The following MCCC2 variants were observed in gnomAD, a reference collection of about 807,000 sequenced individuals.
MCCC2 encodes methylcrotonyl-CoA carboxylase subunit 2, also known as methylcrotonoyl-CoA carboxylase beta chain, mitochondrial.
MCCC2 carries 52 observed loss-of-function variants against 77.2 expected under a neutral mutation model. The observed-to-expected ratio is 0.67, with a 90% CI of 0.54 to 0.85. The LOEUF (loss-of-function observed/expected upper bound fraction) is 0.85. Among genes scored for constraint, MCCC2 ranks in the 40% least tolerant of loss-of-function variants. The pLI is 0.00. For synonymous variants in MCCC2, 253 were observed against 248.4 expected (o/e 1.02, Z -0.18); for missense variants, 682 against 703.2 (o/e 0.97, Z 0.34).
intron 12 of MCCC2, 97 bp downstream of exon 12, chr5:71,643,992 T>A: frequency 6.7e-7 from 1 of 1,490,446 alleles, no homozygotes; most frequent in Non-Finnish European, 9.2e-7. Context: ...TAAAAATGCT[T>A]AACTAGATGC....
intron 1 of MCCC2, 111 bp from the exon 2 acceptor site, chr5:71,592,815 A>C: frequency 1.1e-6 from 1 of 872,788 alleles, no homozygotes; most frequent in Non-Finnish European, 1.9e-6. Flanking sequence ...TGTGGCGGCC[A>C]CACAGAGTTG....
intron 6 of MCCC2, among the ~76,000 whole-genome samples, chr5:71,610,614 A>C (rs1745897353): frequency 6.6e-6 from 1 of 152,210 alleles, no homozygotes; most frequent in South Asian, 2.1e-4. Flanking sequence ...CTTTTTCCAC[A>C]GAGAGTATCT....
At position 71,649,147 on chromosome 5, in the gene MCCC2, G is replaced by A. The variant is rs1747358772; in HGVS notation, c.1267G>A (p.Ala423Thr). ...AGCTGAAGGAATTGCCAAGGATGGT[G>A]CCAAGATGGTGGCCGCTGTGGCCTG... ...YEAEGIAKDG[A>T]KMVAAVACAQ... Residue 423 changes from alanine to threonine, a missense_variant, in exon 14 of 17, where the codon GCC (alanine) becomes ACC (threonine). By Grantham distance (58) the Ala-to-Thr change is moderately conservative. Transcript: ENST00000340941. 6.2e-7 allele frequency: 1 copy of A among 1,614,248 alleles called. No individual in the cohort carries two copies. The highest frequency in any genetic ancestry group is 2.2e-5 in the East Asian group (1 of 44,882).
intron 6 of MCCC2, among the ~76,000 whole-genome samples, chr5:71,617,241 C>T (rs1288878251): frequency 1.3e-5 from 2 of 152,150 alleles, no homozygotes; most frequent in Non-Finnish European, 2.9e-5. Flanking sequence ...CCTCCTGGGT[C>T]GGAGTCTCCA....
chr5:71,649,194 C>T lies in MCCC2; in HGVS notation c.1314C>T (p.Thr438=). The T allele has an allele frequency of 1.9e-6, 3 of 1,614,172 alleles. No homozygotes were observed. The highest frequency in any genetic ancestry group is 2.5e-6 in the Non-Finnish European group (3 of 1,180,008). Residue 438 remains threonine (T), a synonymous_variant, in exon 14 of 17, where the codon ACC becomes ACT. Transcript: ENST00000340941. ...AVACAQVPKI[T]LIIGGSYGAG... ...CCTGTGCCCAAGTGCCTAAGATAACCCTCATCATTGGGGGCTCCTATGGAG... is the reference window on the plus strand; with the variant it reads ...CCTGTGCCCAAGTGCCTAAGATAACTCTCATCATTGGGGGCTCCTATGGAG...
At chr5:71,601,807 G>A (rs945423185) in intron 4 of MCCC2, among the ~76,000 whole-genome samples, 1 of 152,140 alleles carries the variant, frequency 6.6e-6, no homozygotes, top group Non-Finnish European at 1.5e-5. Flanking sequence ...TCCTGCCAGT[G>A]CTGTACAGTT....
At chr5:71,599,243 G>A (rs548624279) in intron 3 of MCCC2, among the ~76,000 whole-genome samples, 3 of 152,206 alleles carry the variant, frequency 2.0e-5, no homozygotes, top group Admixed American at 2.0e-4. Context: ...GGTGGCGCAT[G>A]CCTGTAATCC....
At chr5:71,640,124 C>T (rs1436799569) in intron 10 of MCCC2, among the ~76,000 whole-genome samples, 1 of 152,122 alleles carries the variant, frequency 6.6e-6, no homozygotes, top group Non-Finnish European at 1.5e-5. Context: ...TTAGTAATTT[C>T]CACTCCTTTA....
chr5:71,594,262 C>T (rs1745089353), intron 2 of MCCC2, among the ~76,000 whole-genome samples: 1 of 152,124 alleles, frequency 6.6e-6, no homozygotes, highest in Non-Finnish European at 1.5e-5. Flanking sequence ...GGCACAGTGG[C>T]TCACGCCTGT....
chr5:71,604,500 G>A (rs1745587440), intron 6 of MCCC2, 32 bp downstream of exon 6: 2 of 1,497,668 alleles, frequency 1.3e-6, no homozygotes, highest in Non-Finnish European at 1.9e-6. Flanking sequence ...GTACAGTGGT[G>A]CTTTTTACTC....
At chr5:71,638,557 G>T (rs1056675871) in intron 10 of MCCC2, among the ~76,000 whole-genome samples, 1 of 151,988 alleles carries the variant, frequency 6.6e-6, no homozygotes, top group African/African-American at 2.4e-5. Context: ...GTCTCGCTCT[G>T]TCGCCCAGGC....
At chr5:71,620,775 A>G (rs746686771) in intron 6 of MCCC2, among the ~76,000 whole-genome samples, 1 of 152,146 alleles carries the variant, frequency 6.6e-6, no homozygotes, top group Non-Finnish European at 1.5e-5. Flanking sequence ...AGGGGATGAC[A>G]AGTATTGTTA....
chr5:71,596,843 G>T (rs920641922), intron 3 of MCCC2, among the ~76,000 whole-genome samples: 1 of 152,136 alleles, frequency 6.6e-6, no homozygotes, highest in African/African-American at 2.4e-5. Context: ...GGGAGGCTGA[G>T]GCAGGAGAGT....
chr5:71,591,787 C>T (rs1477574589), intron 1 of MCCC2, among the ~76,000 whole-genome samples: 3 of 151,822 alleles, frequency 2.0e-5, no homozygotes, highest in African/African-American at 7.3e-5. Context: ...CAGTCTTGCT[C>T]TGTCACCCAG....
intron 16 of MCCC2, among the ~76,000 whole-genome samples, chr5:71,653,819 C>T (rs1747506052): frequency 6.7e-6 from 1 of 148,860 alleles, no homozygotes; most frequent in Non-Finnish European, 1.5e-5. Context: ...CCACTGTGCT[C>T]CAACCTGGGT....
Position 71,657,129 on chromosome 5 carries a change from A to G in MCCC2, c.*269A>G. The G allele has an allele frequency of 2.5e-6, 1 of 396,978 alleles. No individual in the cohort carries two copies. Among genetic ancestry groups the G allele is most frequent in the East Asian group, 5.6e-5 (1 of 17,940 alleles). The allele number at this position is 396,978 out of a possible 1,614,324, so 24.6% of individuals were successfully genotyped here. A position where few individuals can be genotyped will look rare whatever the true frequency, so the allele number is the denominator to read the frequency against. ...TTACGGTTATCCTTTCTGACCCACA[A>G]AGTATGAAAAGTTCTGTAATCTGTA... On this transcript the variant is annotated 3_prime_UTR_variant, in exon 17 of 17. Transcript: ENST00000340941.
intron 6 of MCCC2, among the ~76,000 whole-genome samples, chr5:71,620,396 T>C (rs187759076): frequency 6.6e-6 from 1 of 152,202 alleles, no homozygotes. Context: ...TATTATATTT[T>C]TAATGGCTTT....
At chr5:71,633,125 A>ATTTTT (rs1398247533) in intron 8 of MCCC2, among the ~76,000 whole-genome samples, 14 of 42,878 alleles carry the variant, frequency 3.3e-4, no homozygotes, top group East Asian at 1.3e-3. Flanking sequence ...ATATATATAT[A>ATTTTT]TATATATTTT....
intron 6 of MCCC2, among the ~76,000 whole-genome samples, chr5:71,612,194 G>GTTATTCTGTAATTT (rs1257689992): frequency 6.6e-6 from 1 of 152,134 alleles, no homozygotes; most frequent in Non-Finnish European, 1.5e-5. Context: ...ATGGATGTTT[G>GTTATTCTGTAATTT]TTATTCTGTA....
Sources: allele counts gnomAD v4.1 joint callset (sites outside exome capture counted in the v4.1 genomes callset), GRCh38; gene constraint gnomAD v4.1.1; transcripts MANE v1.5; gene names NCBI Gene and HGNC (gene_info 2026-07-23, HGNC 2026-07-21).